The following NLGN1 variants were observed in gnomAD, a reference collection of about 807,000 sequenced individuals.
NLGN1 encodes the protein neuroligin 1.
NLGN1 carries 12 observed loss-of-function variants against 65.5 expected under a neutral mutation model. The observed-to-expected ratio is 0.18, with a 90% CI of 0.12 to 0.30. NLGN1 has a LOEUF of 0.30. NLGN1 is among the 10% of genes least tolerant of loss of function. NLGN1 has a pLI of 1.00. For missense variants in NLGN1, 750 were observed against 1,007.1 expected, an observed-to-expected ratio of 0.74 and a Z score of 3.46; for synonymous variants, 350 against 359.5, an observed-to-expected ratio of 0.97 and a Z score of 0.30.
At chr3:173,490,923 G>T (rs1211443798) in intron 2 of NLGN1, among the ~76,000 whole-genome samples, 1 of 151,972 alleles carries the variant, frequency 6.6e-6, no homozygotes, top group South Asian at 2.1e-4. Flanking sequence ...AAGAATGCTT[G>T]TGATTTTTGC....
At chr3:173,806,379 C>T (rs1334199796) in intron 3 of NLGN1, among the ~76,000 whole-genome samples, 2 of 152,060 alleles carry the variant, frequency 1.3e-5, no homozygotes, top group African/African-American at 4.8e-5. Flanking sequence ...TTAGTCCATT[C>T]TGAAAACTGG....
intron 2 of NLGN1, among the ~76,000 whole-genome samples, chr3:173,507,830 C>T (rs1732279135): frequency 2.0e-5 from 3 of 152,170 alleles, no homozygotes; most frequent in Admixed American, 2.0e-4. Context: ...TTAGGGAAGA[C>T]ATTGGCTTTG....
At chr3:173,735,445 T>A (rs1232206913) in intron 3 of NLGN1, among the ~76,000 whole-genome samples, 1 of 152,156 alleles carries the variant, frequency 6.6e-6, no homozygotes, top group Non-Finnish European at 1.5e-5. Context: ...CATTTCAGAC[T>A]GCTGCAAATC....
chr3:174,237,853 G>C (rs1742035971), intron 4 of NLGN1, among the ~76,000 whole-genome samples: 1 of 152,052 alleles, frequency 6.6e-6, no homozygotes, highest in Non-Finnish European at 1.5e-5. Context: ...CACCACGCCT[G>C]GCCAGGATAA....
intron 4 of NLGN1, among the ~76,000 whole-genome samples, chr3:174,097,767 A>C (rs1348088868): frequency 1.3e-5 from 2 of 152,212 alleles, no homozygotes; most frequent in African/African-American, 4.8e-5. Context: ...AGTTTGACAG[A>C]GATCAAATCC....
At chr3:173,935,635 C>CTCTCTT (rs1553894860) in intron 4 of NLGN1, among the ~76,000 whole-genome samples, 2 of 150,380 alleles carry the variant, frequency 1.3e-5, no homozygotes, top group African/African-American at 4.9e-5. Context: ...CTCTCTCTCT[C>CTCTCTT]TCTCTCTCTC....
intron 4 of NLGN1, among the ~76,000 whole-genome samples, chr3:174,198,756 A>G (rs1733899584): frequency 6.6e-6 from 1 of 150,808 alleles, no homozygotes; most frequent in Admixed American, 6.6e-5. Context: ...TATTTATCTG[A>G]GTGCCCACAC....
chr3:173,557,095 C>G (rs1177792931), intron 2 of NLGN1, among the ~76,000 whole-genome samples: 1 of 152,066 alleles, frequency 6.6e-6, no homozygotes, highest in African/African-American at 2.4e-5. Context: ...TTCCAACCAT[C>G]ATTCTGGATG....
At chr3:173,842,173 T>G (rs1398354301) in intron 4 of NLGN1, among the ~76,000 whole-genome samples, 2 of 152,120 alleles carry the variant, frequency 1.3e-5, no homozygotes, top group Non-Finnish European at 2.9e-5. Context: ...TTCATGAGAC[T>G]CATTCACTTT....
chr3:173,762,798 G>C (rs1198258386), intron 3 of NLGN1, among the ~76,000 whole-genome samples: 1 of 151,914 alleles, frequency 6.6e-6, no homozygotes, highest in African/African-American at 2.4e-5. Flanking sequence ...TAAAGTTTTG[G>C]GTGAGATTGG....
At chr3:173,464,922 A>G (rs990758891) in intron 2 of NLGN1, among the ~76,000 whole-genome samples, 4 of 151,688 alleles carry the variant, frequency 2.6e-5, no homozygotes, top group South Asian at 4.2e-4. Flanking sequence ...ATTGCCTCCT[A>G]TAGACAGTGG....
At chr3:173,925,183 T>C (rs2152272647) in intron 4 of NLGN1, among the ~76,000 whole-genome samples, 1 of 152,238 alleles carries the variant, frequency 6.6e-6, no homozygotes, top group African/African-American at 2.4e-5. Flanking sequence ...TTCACATTTG[T>C]AGATGTTAGT....
At chr3:173,874,733 C>T (rs1731807305) in intron 4 of NLGN1, among the ~76,000 whole-genome samples, 1 of 152,058 alleles carries the variant, frequency 6.6e-6, no homozygotes, top group East Asian at 1.9e-4. Context: ...AGCATGATCT[C>T]CACTGTATAA....
At chr3:173,443,514 AAG>A (rs1270700980) in intron 2 of NLGN1, among the ~76,000 whole-genome samples, 1 of 151,972 alleles carries the variant, frequency 6.6e-6, no homozygotes, top group Admixed American at 6.6e-5. Flanking sequence ...AGAATGGAAA[AAG>A]AAGTAAATAA....
At chr3:174,183,618 G>C (rs747936909) in intron 4 of NLGN1, among the ~76,000 whole-genome samples, 4 of 152,088 alleles carry the variant, frequency 2.6e-5, no homozygotes, top group Non-Finnish European at 5.9e-5. Context: ...GGAAGAAAAT[G>C]CTAAGAAACA....
chr3:173,722,645 C>A (rs533648075), intron 3 of NLGN1, among the ~76,000 whole-genome samples: 3 of 152,172 alleles, frequency 2.0e-5, no homozygotes, highest in Admixed American at 6.5e-5. Context: ...GCAGCCACAT[C>A]AAATCCAGAG....
Position 173,429,743 on chromosome 3 carries a change from T to A in NLGN1, c.-389-5267T>A, listed in dbSNP as rs1716852146. Among the ~76,000 whole-genome samples, 3 of 152,292 alleles carry A rather than the reference T, an allele frequency of 2.0e-5. No homozygotes were observed. In the South Asian group the frequency reaches 6.2e-4, roughly 32 times the overall value. On this transcript the variant is annotated intron_variant, in intron 1 of 6. Transcript: ENST00000457714. ...ACACCCTTGCTCAGATTTGCCACAG[T>A]TCCTGCAAATAACTTGAGAGTGCTG...
intron 3 of NLGN1, among the ~76,000 whole-genome samples, chr3:173,804,161 A>AT (rs72332999): frequency 0.053 from 7,850 of 148,052 alleles, 491 homozygotes; most frequent in East Asian, 0.17. Context: ...TCAGACTCCA[A>AT]TTTTTTTTTT....
chr3:173,553,004 A>G lies in NLGN1; in HGVS notation c.-320-51275A>G, dbSNP rs377351068. ...ATGTTCTCTCTGTCCCTGGCTCAGA[A>G]CTATTAAATCAAGTACTATGTTTTA... On this transcript the variant is annotated intron_variant, in intron 2 of 6. Transcript: ENST00000457714. Among the ~76,000 whole-genome samples the G allele has an allele frequency of 1.1e-4, 17 of 152,300 alleles. 1 individual carries two copies. Among genetic ancestry groups the G allele is most frequent in the Admixed American group, 2.0e-4 (3 of 15,302 alleles).
Sources: allele counts gnomAD v4.1 joint callset (sites outside exome capture counted in the v4.1 genomes callset), GRCh38; gene constraint gnomAD v4.1.1; transcripts MANE v1.5; gene names NCBI Gene and HGNC (gene_info 2026-07-23, HGNC 2026-07-21).